MON2: variants seen among roughly 807,000 people sequenced by gnomAD.
MON2 encodes the protein MON2 regulator of endosome-to-Golgi trafficking.
In MON2, 84 loss-of-function variants were observed where a neutral mutation model predicts 208.6. The observed-to-expected ratio is 0.40, with a 90% CI of 0.34 to 0.48. MON2 has a LOEUF of 0.48. Among genes scored for constraint, MON2 ranks in the 20% least tolerant of loss-of-function variants. The pLI is 0.59. For missense variants in MON2, 1,611 were observed against 2,015.4 expected (o/e 0.80, Z 3.84); for synonymous variants, 660 against 694.0 (o/e 0.95, Z 0.77).
At chr12:62,494,094 TCA>T (rs1297996095) in intron 3 of MON2, 52 bp downstream of exon 3, 1 of 1,501,082 alleles carries the variant, frequency 6.7e-7, no homozygotes, top group Non-Finnish European at 9.2e-7. Context: ...TCAGAAGTTT[TCA>T]TGAAAGGAGA....
chr12:62,502,491 CT>C (rs1028871316), intron 7 of MON2, among the ~76,000 whole-genome samples: 19 of 149,186 alleles, frequency 1.3e-4, no homozygotes, highest in Non-Finnish European at 2.1e-4. Flanking sequence ...TGTTACATTA[CT>C]TTTTTTTTAG....
chr12:62,513,937 G>A lies in MON2; in HGVS notation c.984+5457G>A, dbSNP rs190115287. Among the ~76,000 whole-genome samples, 868 of 145,400 alleles carry A rather than the reference G, an allele frequency of 6.0e-3. 34 individuals carry two copies. The highest frequency in any genetic ancestry group is 0.016 in the African/African-American group (641 of 40,610). On this transcript the variant is annotated intron_variant, in intron 8 of 34. Coordinates refer to ENST00000393630, the MANE Select transcript of MON2 (RefSeq NM_015026.3). ...TGCACTCCAGCCTGGGTGACAGAGC[G>A]AGACTCCATCTCAAAAAAAAAAAGA...
chr12:62,501,694 T>C lies in MON2; in HGVS notation c.785T>C (p.Leu262Ser). The part of the protein sequence containing the change: ...SVLNDFPQVF[L>S]QHQEFSFLLK... ...CTCAATGATTTTCCGCAGGTCTTTT[T>C]ACAAGTAAGCCATTTATAGTATCTT... The change falls in exon 7 of 35, where the codon TTA (leucine) becomes TCA (serine). Residue 262 changes from leucine to serine, a missense_variant. Coordinates refer to ENST00000393630, the MANE Select transcript of MON2 (RefSeq NM_015026.3). 6.2e-7 allele frequency: 1 copy of C among 1,614,118 alleles called. No individual in the cohort carries two copies. Among genetic ancestry groups the C allele is most frequent in the Non-Finnish European group, 8.5e-7 (1 of 1,179,938 alleles).
At chr12:62,589,763 A>AAT (rs1185118651) in intron 34 of MON2, among the ~76,000 whole-genome samples, 1 of 151,694 alleles carries the variant, frequency 6.6e-6, no homozygotes, top group Non-Finnish European at 1.5e-5. Flanking sequence ...AAAAAAAAAA[A>AAT]AAGAACCAGA....
intron 26 of MON2, 102 bp from the exon 27 acceptor site, chr12:62,565,135 A>G: frequency 8.6e-7 from 1 of 1,158,826 alleles, no homozygotes; most frequent in African/African-American, 1.6e-5. Context: ...TACATAAAAT[A>G]AGACAGTTTT....
At position 62,532,629 on chromosome 12, in the gene MON2, A is replaced by G. The variant is rs143346269; in HGVS notation, c.1592A>G (p.Gln531Arg). ...TCACCAACACAGTCGACAGAACAGC[A>G]GGATTTACAGTCAACATCAGACCAA... ...GSSPTQSTEQQDLQSTSDQMD... is the reference protein window; with the variant it reads ...GSSPTQSTEQRDLQSTSDQMD... Residue 531 changes from glutamine to arginine, a missense_variant, in exon 12 of 35, where the codon CAG becomes CGG. Transcript: ENST00000393630. The G allele has an allele frequency of 7.5e-4, 1,208 of 1,613,992 alleles. 1 individual carries two copies. The highest frequency in any genetic ancestry group is 9.5e-4 in the Non-Finnish European group (1,117 of 1,179,836).
chr12:62,521,946 A>G (rs2072066073), intron 8 of MON2, among the ~76,000 whole-genome samples: 1 of 152,236 alleles, frequency 6.6e-6, no homozygotes, highest in Admixed American at 6.5e-5. Context: ...TAATCCCAGC[A>G]CTTTGGAAGG....
intron 21 of MON2, among the ~76,000 whole-genome samples, chr12:62,546,117 C>T (rs1392005323): frequency 6.6e-6 from 1 of 152,034 alleles, no homozygotes; most frequent in Non-Finnish European, 1.5e-5. Flanking sequence ...TTAATATCTG[C>T]TACATTTATT....
rs950934357 is a variant in MON2, at chr12:62,593,702, C to T, written c.*953C>T. Reference sequence around the variant, plus strand: ...TTTTATATTTCTACTGATTTTGTTTCCCCTAACAACATTTGTCACTGTCTT... The same window carrying T: ...TTTTATATTTCTACTGATTTTGTTTTCCCTAACAACATTTGTCACTGTCTT... On this transcript the variant is annotated 3_prime_UTR_variant, in exon 35 of 35. Coordinates refer to ENST00000393630, the MANE Select transcript of MON2 (RefSeq NM_015026.3). 3 of 152,268 alleles carry T rather than the reference C, an allele frequency of 2.0e-5. No individual in the cohort carries two copies. Among genetic ancestry groups the T allele is most frequent in the African/African-American group, 7.2e-5 (3 of 41,396 alleles). The allele number at this position is 152,268 out of a possible 1,614,324, so 9.4% of individuals were successfully genotyped here. A position where few individuals can be genotyped will look rare whatever the true frequency, so the allele number is the denominator to read the frequency against.
chr12:62,479,566 C>G lies in MON2; in HGVS notation c.112-4604C>G, dbSNP rs112896584. On this transcript the variant is annotated intron_variant, in intron 1 of 34. Coordinates refer to ENST00000393630, the MANE Select transcript of MON2 (RefSeq NM_015026.3). ...AGTGAGAAATGAGGTCAAGGATATT[C>G]TAGGTGGTCTTAGAAAAGCAGTCAG... Among the ~76,000 whole-genome samples the G allele has an allele frequency of 4.8e-3, 720 of 151,428 alleles. 6 individuals are homozygous for G. The highest frequency in any genetic ancestry group is 0.016 in the African/African-American group (665 of 41,292).
chr12:62,534,538 A>ATTTT (rs1377489503), intron 12 of MON2, among the ~76,000 whole-genome samples: 2 of 25,372 alleles, frequency 7.9e-5, no homozygotes, highest in South Asian at 1.7e-3. Flanking sequence ...AAAAAAAAAA[A>ATTTT]AAAAATATAT....
chr12:62,515,587 G>A (rs2071642180), intron 8 of MON2, among the ~76,000 whole-genome samples: 1 of 152,088 alleles, frequency 6.6e-6, no homozygotes, highest in Non-Finnish European at 1.5e-5. Flanking sequence ...AGGCCAAGGT[G>A]GATGGATCAC....
chr12:62,578,531 C>T (rs879635143), intron 31 of MON2, 26 bp downstream of exon 31: 7 of 1,414,522 alleles, frequency 4.9e-6, no homozygotes, highest in Non-Finnish European at 6.8e-6. Flanking sequence ...AAAATGTTTT[C>T]CTGTGACCAT....
At chr12:62,574,224 TATTGTC>T (rs1348840833) in intron 30 of MON2, among the ~76,000 whole-genome samples, 1 of 152,188 alleles carries the variant, frequency 6.6e-6, no homozygotes, top group Non-Finnish European at 1.5e-5. Flanking sequence ...TTTCCACTAT[TATTGTC>T]ATTAATGTTT....
intron 20 of MON2, among the ~76,000 whole-genome samples, chr12:62,543,534 G>T (rs2073335537): frequency 6.6e-6 from 1 of 152,020 alleles, no homozygotes; most frequent in Non-Finnish European, 1.5e-5. Context: ...CTTCAAGGCA[G>T]TTGGGGCATA....
At chr12:62,539,096 TTA>T (rs1382561306) in intron 19 of MON2, among the ~76,000 whole-genome samples, 2 of 152,184 alleles carry the variant, frequency 1.3e-5, no homozygotes, top group Non-Finnish European at 2.9e-5. Flanking sequence ...TTGTATTTAT[TTA>T]TATGTTAGAA....
rs750401523 is a variant in MON2 at position 62,501,608 on chromosome 12, T to C, written c.699T>C (p.Tyr233=). ...LCQLVNADAP[Y]WLVGMTEMTR... ...AGTTGGTTAATGCTGATGCTCCTTA[T>C]TGGCTAGTGGGCATGACAGAAATGA... Residue 233 remains tyrosine, a synonymous_variant, in exon 7 of 35, where the codon TAT becomes TAC. Coordinates refer to ENST00000393630, the MANE Select transcript of MON2 (RefSeq NM_015026.3). 17 of 1,614,132 alleles carry C rather than the reference T, an allele frequency of 1.1e-5. No homozygotes were observed. The highest frequency in any genetic ancestry group is 4.4e-5 in the South Asian group (4 of 91,084).
chr12:62,483,380 C>CA (rs1227427869), intron 1 of MON2, among the ~76,000 whole-genome samples: 3 of 152,044 alleles, frequency 2.0e-5, no homozygotes, highest in Non-Finnish European at 2.9e-5. Context: ...TATCCATTCT[C>CA]AAAAAAGAAA....
chr12:62,553,414 G>T (rs1026458031), intron 24 of MON2: 10 of 351,662 alleles, frequency 2.8e-5, no homozygotes, highest in African/African-American at 2.1e-4. Context: ...CGTGATTTCT[G>T]CCTTTGCCTT....
Sources: gnomAD v4.1 joint callset for allele counts (sites outside exome capture counted in the v4.1 genomes callset) on GRCh38, gnomAD v4.1.1 for gene constraint, MANE v1.5 for transcripts, NCBI Gene and HGNC (gene_info 2026-07-23, HGNC 2026-07-21) for gene names.